The following RPS6KA2 variants were observed in gnomAD, a reference collection of about 807,000 sequenced individuals.
The protein encoded by RPS6KA2 is ribosomal protein S6 kinase A2.
A neutral mutation model predicts 91.8 loss-of-function variants in RPS6KA2; 42 were observed. The observed-to-expected ratio is 0.46, with a 90% CI of 0.36 to 0.59. RPS6KA2 has a LOEUF of 0.59. Ranked by LOEUF, RPS6KA2 falls within the 20% of genes least tolerant of loss-of-function variation. The pLI is 0.00. For synonymous variants in RPS6KA2, 414 were observed against 393.6 expected (o/e 1.05, Z -0.61); for missense variants, 798 against 978.5 (o/e 0.82, Z 2.46).
intron 1 of RPS6KA2, among the ~76,000 whole-genome samples, chr6:166,561,755 GGAA>G (rs886894542): frequency 3.4e-4 from 51 of 152,142 alleles, no homozygotes; most frequent in Admixed American, 1.4e-3. Context: ...GGGCCACACT[GGAA>G]GAAGAAGAAT....
At chr6:166,736,514 G>A (rs900932713) in intron 2 of RPS6KA2, among the ~76,000 whole-genome samples, 8 of 152,078 alleles carry the variant, frequency 5.3e-5, no homozygotes, top group Non-Finnish European at 1.2e-4. Context: ...GATTTCTCCA[G>A]TAAAATATAT....
chr6:166,803,123 TC>T (rs1779411840), intron 2 of RPS6KA2, among the ~76,000 whole-genome samples: 2 of 152,086 alleles, frequency 1.3e-5, no homozygotes, highest in South Asian at 4.1e-4. Flanking sequence ...AAAAGGACAT[TC>T]CAAAACAGAG....
At chr6:166,535,478 G>T (rs908807000) in intron 2 of RPS6KA2, among the ~76,000 whole-genome samples, 1 of 152,196 alleles carries the variant, frequency 6.6e-6, no homozygotes, top group African/African-American at 2.4e-5. Flanking sequence ...ACTTTGGTTT[G>T]GTTCCTTTTT....
chr6:166,486,885 A>AC (rs1415925661), intron 10 of RPS6KA2, among the ~76,000 whole-genome samples: 3 of 152,178 alleles, frequency 2.0e-5, no homozygotes, highest in Non-Finnish European at 2.9e-5. Flanking sequence ...GATGCGCTAA[A>AC]CAGCCTCAAT....
intron 11 of RPS6KA2, among the ~76,000 whole-genome samples, chr6:166,468,856 T>TCCGCCTCAAAAAAAAAAAAAAAAAA (rs567161437): frequency 8.9e-6 from 1 of 112,184 alleles, no homozygotes; most frequent in African/African-American, 3.9e-5. Context: ...AGAGCGAGAC[T>TCCGCCTCAAAAAAAAAAAAAAAAAA]AAAAAAAAAA....
At chr6:166,469,771 A>G in intron 11 of RPS6KA2, 70 bp downstream of exon 11, 1 of 1,379,848 alleles carries the variant, frequency 7.2e-7, no homozygotes, top group African/African-American at 1.4e-5. Flanking sequence ...CCTCTGCACC[A>G]AGCCGTATGT....
intron 2 of RPS6KA2, among the ~76,000 whole-genome samples, chr6:166,827,331 C>T (rs1426453240): frequency 2.7e-5 from 4 of 150,016 alleles, no homozygotes; most frequent in Non-Finnish European, 5.9e-5. Context: ...TGTCCAACCT[C>T]GGACTGTAGG....
chr6:166,517,212 TG>T (rs2128485696), intron 3 of RPS6KA2, among the ~76,000 whole-genome samples: 1 of 152,220 alleles, frequency 6.6e-6, no homozygotes, highest in South Asian at 2.1e-4. Context: ...AACACAAAGC[TG>T]GCCAGGCACA....
chr6:166,488,980 G>C (rs1277128872), intron 9 of RPS6KA2, 59 bp from the exon 10 acceptor site: 3 of 1,411,010 alleles, frequency 2.1e-6, no homozygotes, highest in Non-Finnish European at 3.0e-6. Context: ...AAGCTATAAA[G>C]AGGGCCCCAG....
chr6:166,656,004 C>T (rs577743628), intron 2 of RPS6KA2, among the ~76,000 whole-genome samples: 19 of 152,338 alleles, frequency 1.2e-4, no homozygotes, highest in East Asian at 5.8e-4. Flanking sequence ...GGTAGATACA[C>T]GTGGCAGAAC....
intron 2 of RPS6KA2, among the ~76,000 whole-genome samples, chr6:166,712,451 G>C (rs1789889945): frequency 1.3e-5 from 2 of 152,258 alleles, no homozygotes; most frequent in Non-Finnish European, 1.5e-5. Flanking sequence ...GGAGTCAAGA[G>C]TTAACAGCCT....
intron 3 of RPS6KA2, among the ~76,000 whole-genome samples, chr6:166,523,174 T>C (rs917558998): frequency 6.6e-6 from 1 of 152,222 alleles, no homozygotes; most frequent in Non-Finnish European, 1.5e-5. Context: ...ATAAATCAGA[T>C]GCCTGTTAGG....
At chr6:166,847,783 C>T (rs1185359803) in intron 2 of RPS6KA2, among the ~76,000 whole-genome samples, 1 of 152,042 alleles carries the variant, frequency 6.6e-6, no homozygotes, top group Non-Finnish European at 1.5e-5. Context: ...AGACTTAAAT[C>T]TAAGAACGTG....
At chr6:166,833,180 G>A (rs1000867855) in intron 2 of RPS6KA2, among the ~76,000 whole-genome samples, 1 of 152,170 alleles carries the variant, frequency 6.6e-6, no homozygotes, top group Non-Finnish European at 1.5e-5. Context: ...GCTTAGAAAA[G>A]GCCAAAGTGG....
intron 2 of RPS6KA2, among the ~76,000 whole-genome samples, chr6:166,760,774 G>A (rs1377087714): frequency 6.6e-6 from 1 of 152,178 alleles, no homozygotes; most frequent in African/African-American, 2.4e-5. Context: ...GGCACAAAGG[G>A]TCCGAATAAT....
intron 12 of RPS6KA2, among the ~76,000 whole-genome samples, chr6:166,451,801 C>T (rs937616782): frequency 2.6e-5 from 4 of 152,210 alleles, no homozygotes; most frequent in Non-Finnish European, 5.9e-5. Flanking sequence ...GAGTAATTCC[C>T]TTCCATTAAG....
intron 12 of RPS6KA2, among the ~76,000 whole-genome samples, chr6:166,452,444 C>A (rs527458044): frequency 6.6e-6 from 1 of 152,146 alleles, no homozygotes; most frequent in Non-Finnish European, 1.5e-5. Flanking sequence ...AAACCAACGT[C>A]ATTTTTCACA....
intron 1 of RPS6KA2, among the ~76,000 whole-genome samples, chr6:166,590,502 A>G (rs1159169301): frequency 2.6e-5 from 4 of 152,222 alleles, no homozygotes; most frequent in Admixed American, 2.6e-4. Context: ...AGCCTGCCCC[A>G]GAAGAATCCA....
At chr6:166,592,531 G>T (rs9457189) in intron 1 of RPS6KA2, among the ~76,000 whole-genome samples, 4 of 151,968 alleles carry the variant, frequency 2.6e-5, no homozygotes, top group Non-Finnish European at 1.5e-5. Flanking sequence ...AGTCAGTGTT[G>T]GTGACCATTC....
Sources: allele counts gnomAD v4.1 joint callset (sites outside exome capture counted in the v4.1 genomes callset), GRCh38; gene constraint gnomAD v4.1.1; transcripts MANE v1.5; gene names NCBI Gene and HGNC (gene_info 2026-07-23, HGNC 2026-07-21).